The following SRRM4 variants were observed in gnomAD, a reference collection of about 807,000 sequenced individuals.
SRRM4 encodes the protein serine/arginine repetitive matrix 4.
In SRRM4, 33 loss-of-function variants were observed where a neutral mutation model predicts 68.9. The ratio of observed to expected loss-of-function variants is 0.48; its 90% CI spans 0.36 to 0.64. The LOEUF (loss-of-function observed/expected upper bound fraction) is 0.64. Among genes scored for constraint, SRRM4 ranks in the 30% least tolerant of loss-of-function variants. The pLI, the probability that SRRM4 is intolerant of heterozygous loss-of-function variation, is 0.00. For missense variants in SRRM4, 817 were observed against 827.1 expected (o/e 0.99, Z 0.15); for synonymous variants, 318 against 318.8 (o/e 1.00, Z 0.03).
intron 1 of SRRM4, among the ~76,000 whole-genome samples, chr12:118,986,628 C>T (rs1174091495): frequency 6.6e-6 from 1 of 152,142 alleles, no homozygotes; most frequent in Non-Finnish European, 1.5e-5. Context: ...CTTGACTCTC[C>T]CTGGTGTCAG....
At chr12:119,075,877 GGTA>G (rs1169020663) in intron 1 of SRRM4, among the ~76,000 whole-genome samples, 2 of 147,046 alleles carry the variant, frequency 1.4e-5, no homozygotes, top group Non-Finnish European at 3.0e-5. Flanking sequence ...TGATGATGAT[GGTA>G]GTAGTGATGA....
At chr12:119,143,131 A>C (rs1954376530) in intron 8 of SRRM4, among the ~76,000 whole-genome samples, 1 of 152,218 alleles carries the variant, frequency 6.6e-6, no homozygotes, top group Non-Finnish European at 1.5e-5. Flanking sequence ...TCCTGGGAGA[A>C]TCTACAAAGG....
intron 1 of SRRM4, among the ~76,000 whole-genome samples, chr12:118,982,225 G>C (rs540647390): frequency 6.6e-6 from 1 of 152,186 alleles, no homozygotes; most frequent in Non-Finnish European, 1.5e-5. Context: ...GGAAAGCAAC[G>C]CTTATTGGAC....
At chr12:119,113,187 T>A (rs1954155519) in intron 2 of SRRM4, among the ~76,000 whole-genome samples, 1 of 152,206 alleles carries the variant, frequency 6.6e-6, no homozygotes, top group Non-Finnish European at 1.5e-5. Flanking sequence ...AACCATTTTA[T>A]CATTCTTTCT....
At chr12:119,096,638 G>T (rs1408426423) in intron 1 of SRRM4, among the ~76,000 whole-genome samples, 1 of 152,348 alleles carries the variant, frequency 6.6e-6, no homozygotes, top group South Asian at 2.1e-4. Flanking sequence ...CCTTGGGCAA[G>T]TCCCCTTGCC....
At chr12:119,064,066 A>G (rs1953830627) in intron 1 of SRRM4, among the ~76,000 whole-genome samples, 1 of 152,236 alleles carries the variant, frequency 6.6e-6, no homozygotes, top group Non-Finnish European at 1.5e-5. Context: ...AAAATAATTA[A>G]CAAGAAAATT....
intron 1 of SRRM4, among the ~76,000 whole-genome samples, chr12:119,097,460 C>G (rs1954052867): frequency 6.6e-6 from 1 of 152,124 alleles, no homozygotes; most frequent in Admixed American, 6.5e-5. Flanking sequence ...GTTCATTGAG[C>G]AGGAAGCTAC....
chr12:119,038,938 T>G (rs1182536924), intron 1 of SRRM4, among the ~76,000 whole-genome samples: 2 of 152,222 alleles, frequency 1.3e-5, no homozygotes, highest in African/African-American at 4.8e-5. Context: ...GAGGTCCAGC[T>G]GATCCCTTGA....
Position 119,060,522 on chromosome 12 carries a change from G to C in SRRM4, c.132-41714G>C, listed in dbSNP as rs140517389. ...ATCCATTTACCCAAATGCACTGAGG[G>C]CTTTCAGTATCTTAAGTGTTCCTTA... On this transcript the variant is annotated intron_variant, in intron 1 of 12. Transcript: ENST00000267260. Among the ~76,000 whole-genome samples the C allele has an allele frequency of 4.0e-5, 6 of 151,498 alleles. No individual in the cohort carries two copies. The East Asian group carries it at 1.2e-3, about 29-fold the overall frequency.
chr12:119,146,102 G>A (rs1954399915), intron 9 of SRRM4, among the ~76,000 whole-genome samples: 1 of 152,168 alleles, frequency 6.6e-6, no homozygotes, highest in Non-Finnish European at 1.5e-5. Flanking sequence ...GCCCAGCTTA[G>A]GTCATCTGCC....
At chr12:119,055,967 G>T (rs1293331852) in intron 1 of SRRM4, among the ~76,000 whole-genome samples, 1 of 152,194 alleles carries the variant, frequency 6.6e-6, no homozygotes, top group African/African-American at 2.4e-5. Context: ...ATCTCTTCTG[G>T]GGCCATGTAG....
chr12:118,992,837 TA>T (rs1953325568), intron 1 of SRRM4, among the ~76,000 whole-genome samples: 1 of 152,098 alleles, frequency 6.6e-6, no homozygotes, highest in Non-Finnish European at 1.5e-5. Flanking sequence ...ATCAGAAAAT[TA>T]GTGCCAAAGC....
intron 1 of SRRM4, among the ~76,000 whole-genome samples, chr12:119,000,047 G>A (rs1371270841): frequency 6.6e-6 from 1 of 152,142 alleles, no homozygotes; most frequent in Non-Finnish European, 1.5e-5. Context: ...ATGATGTTTT[G>A]TATTTTGTAC....
chr12:119,010,116 G>T (rs1354763879), intron 1 of SRRM4, among the ~76,000 whole-genome samples: 1 of 152,160 alleles, frequency 6.6e-6, no homozygotes, highest in South Asian at 2.1e-4. Context: ...GCAATGGTGC[G>T]ATCTTGGCTC....
intron 1 of SRRM4, among the ~76,000 whole-genome samples, chr12:119,069,248 A>C (rs1021442062): frequency 3.9e-5 from 6 of 152,176 alleles, no homozygotes; most frequent in African/African-American, 1.4e-4. Context: ...GGGCGTGAGA[A>C]CTGCCGGGAG....
intron 1 of SRRM4, among the ~76,000 whole-genome samples, chr12:119,025,882 A>G (rs1953545571): frequency 6.6e-6 from 1 of 152,130 alleles, no homozygotes; most frequent in African/African-American, 2.4e-5. Context: ...AAAGCATCTT[A>G]GCCTGCTGTG....
chr12:119,024,983 A>G (rs1953538612), intron 1 of SRRM4, among the ~76,000 whole-genome samples: 2 of 152,262 alleles, frequency 1.3e-5, no homozygotes, highest in Middle Eastern at 3.4e-3. Flanking sequence ...GCTGCCCTAC[A>G]TAGAGCCTCA....
In SRRM4 at chr12:119,162,658, T is replaced by G. The variant is rs1207452756; in HGVS notation, c.*5860T>G. The G allele has an allele frequency of 1.3e-5, 2 of 152,112 alleles. No homozygotes were observed. Among genetic ancestry groups the G allele is most frequent in the Admixed American group, 1.3e-4 (2 of 15,276 alleles). 9.4% of individuals were successfully genotyped at this position (152,112 alleles called of 1,614,324 possible). On this transcript the variant is annotated 3_prime_UTR_variant, in exon 13 of 13. Transcript: ENST00000267260. ...TCTCTCTGCACTGTATTTTTTTTTC[T>G]CCCAATTCTTAGCTATTTCCTCAAG...
At chr12:119,129,374 G>A (rs916523742) in intron 7 of SRRM4, among the ~76,000 whole-genome samples, 1 of 152,200 alleles carries the variant, frequency 6.6e-6, no homozygotes, top group African/African-American at 2.4e-5. Flanking sequence ...TGCAGACCAA[G>A]CAGCCAGATC....
Sources: gnomAD v4.1 joint callset for allele counts (sites outside exome capture counted in the v4.1 genomes callset) on GRCh38, gnomAD v4.1.1 for gene constraint, MANE v1.5 for transcripts, NCBI Gene and HGNC (gene_info 2026-07-23, HGNC 2026-07-21) for gene names.